HERC3: variants seen among roughly 807,000 people sequenced by gnomAD.
The protein encoded by HERC3 is HECT and RLD domain containing E3 ubiquitin protein ligase 3, also known as probable E3 ubiquitin-protein ligase HERC3.
A neutral mutation model predicts 129.9 loss-of-function variants in HERC3; 58 were observed. That is an observed-to-expected ratio of 0.45 (90% CI 0.36 to 0.56). HERC3 has a LOEUF of 0.56. HERC3 is among the 20% of genes least tolerant of loss of function. The pLI is 0.00. For missense variants in HERC3, 835 were observed against 1,244.2 expected (o/e 0.67, Z 4.95); for synonymous variants, 430 against 451.0 (o/e 0.95, Z 0.59).
intron 23 of HERC3, among the ~76,000 whole-genome samples, chr4:88,687,805 T>C (rs971009172): frequency 2.6e-5 from 4 of 152,234 alleles, no homozygotes; most frequent in African/African-American, 9.6e-5. Flanking sequence ...GCTGATTGAT[T>C]TGTCATAGAG....
At chr4:88,557,841 G>C in the HERC3 span, among the ~76,000 whole-genome samples, 1 of 151,956 alleles carries the variant, frequency 6.6e-6, no homozygotes, top group Non-Finnish European at 1.5e-5. Flanking sequence ...CAGATCACCT[G>C]AGGTCAGGAG....
chr4:88,539,477 C>A, the HERC3 span, among the ~76,000 whole-genome samples: 2 of 152,206 alleles, frequency 1.3e-5, no homozygotes, highest in Non-Finnish European at 2.9e-5. Flanking sequence ...CTATAGACTC[C>A]ACCTCTGTGG....
At chr4:88,583,089 C>T in the HERC3 span, among the ~76,000 whole-genome samples, 1 of 152,134 alleles carries the variant, frequency 6.6e-6, no homozygotes, top group Non-Finnish European at 1.5e-5. Flanking sequence ...TTCCTTACAA[C>T]ATGAAGTTTT....
intron 21 of HERC3, among the ~76,000 whole-genome samples, chr4:88,685,933 G>A (rs1733399611): frequency 6.6e-6 from 1 of 152,010 alleles, no homozygotes; most frequent in Admixed American, 6.6e-5. Flanking sequence ...GTTAACATTA[G>A]GAAGAAGGTG....
At chr4:88,697,934 C>T (rs934737964) in intron 23 of HERC3, 2 of 774,114 alleles carry the variant, frequency 2.6e-6, no homozygotes, top group Non-Finnish European at 4.1e-6. Flanking sequence ...TATCAGCTGA[C>T]GGCCGTGTGC....
chr4:88,676,206 T>G lies in HERC3; in HGVS notation c.1912-12T>G, dbSNP rs927433992. ...AATTTAAGTAAGAGACTTTTTATTT[T>G]TCTTTACACAGAAGGCTAGACCATC... On this transcript the variant is annotated splice_polypyrimidine_tract_variant and intron_variant, in intron 16 of 25. Transcript: ENST00000402738. The G allele has an allele frequency of 6.5e-7, 1 of 1,544,114 alleles. No individual in the cohort carries two copies. The highest frequency in any genetic ancestry group is 8.9e-7 in the Non-Finnish European group (1 of 1,125,252).
In HERC3 at chr4:88,613,380, G is replaced by A. The variant is rs75343358; in HGVS notation, c.226+7331G>A. Among the ~76,000 whole-genome samples the A allele has an allele frequency of 4.8e-3, 726 of 152,210 alleles. 10 individuals are homozygous for A. The highest frequency in any genetic ancestry group is 0.017 in the African/African-American group (692 of 41,514). ...AGGTAATTTAATCCAATTCACATTC[G>A]CACTTTGTATTCAGTCTAAGCATTT... On this transcript the variant is annotated intron_variant, in intron 3 of 25. Transcript: ENST00000402738.
At chr4:88,527,777 C>T in the HERC3 span, 12 of 317,832 alleles carry the variant, frequency 3.8e-5, no homozygotes, top group Middle Eastern at 8.8e-4. Context: ...ATTCTGCTGC[C>T]GGTTATCCTC....
chr4:88,550,796 T>C, the HERC3 span, among the ~76,000 whole-genome samples: 6 of 151,008 alleles, frequency 4.0e-5, no homozygotes, highest in Non-Finnish European at 7.4e-5. Flanking sequence ...TTAAAGTTCA[T>C]ATGGAACCAA....
At chr4:88,549,572 TTC>T in the HERC3 span, among the ~76,000 whole-genome samples, 1 of 152,216 alleles carries the variant, frequency 6.6e-6, no homozygotes, top group African/African-American at 2.4e-5. Flanking sequence ...GTTTTTGATT[TTC>T]TGTTTCTGCA....
At chr4:88,633,834 A>G (rs1049773132) in intron 3 of HERC3, among the ~76,000 whole-genome samples, 1 of 152,242 alleles carries the variant, frequency 6.6e-6, no homozygotes, top group Non-Finnish European at 1.5e-5. Context: ...AACATATATT[A>G]TGCAAACACT....
intron 25 of HERC3, among the ~76,000 whole-genome samples, chr4:88,705,846 C>T (rs1735732628): frequency 6.6e-6 from 1 of 152,216 alleles, no homozygotes; most frequent in African/African-American, 2.4e-5. Flanking sequence ...CTGCTGCTCA[C>T]ATGGGAGCAA....
chr4:88,680,540 A>T (rs1321022824), intron 20 of HERC3, among the ~76,000 whole-genome samples: 1 of 152,238 alleles, frequency 6.6e-6, no homozygotes, highest in Non-Finnish European at 1.5e-5. Flanking sequence ...GAAGGTCAAT[A>T]ATCAAATATG....
At chr4:88,551,015 A>AG in the HERC3 span, among the ~76,000 whole-genome samples, 1 of 148,430 alleles carries the variant, frequency 6.7e-6, no homozygotes, top group African/African-American at 2.5e-5. Context: ...GACAAACCTG[A>AG]GAAAAACAAG....
At chr4:88,630,632 T>A (rs910913452) in intron 3 of HERC3, among the ~76,000 whole-genome samples, 1 of 152,216 alleles carries the variant, frequency 6.6e-6, no homozygotes, top group Non-Finnish European at 1.5e-5. Flanking sequence ...TTGAAGGGAC[T>A]ATTAGTATTT....
chr4:88,539,408 A>AGTAG, the HERC3 span, among the ~76,000 whole-genome samples: 1 of 152,216 alleles, frequency 6.6e-6, no homozygotes, highest in Non-Finnish European at 1.5e-5. Flanking sequence ...AGGTAAACAA[A>AGTAG]GCAGCCAGGA....
intron 3 of HERC3, among the ~76,000 whole-genome samples, chr4:88,616,808 C>T (rs1386507481): frequency 6.6e-6 from 1 of 152,070 alleles, no homozygotes; most frequent in Non-Finnish European, 1.5e-5. Context: ...AGAGGTATTT[C>T]TAGGATAGGC....
intron 10 of HERC3, 73 bp from the exon 11 acceptor site, chr4:88,662,358 G>A: frequency 7.0e-7 from 1 of 1,419,280 alleles, no homozygotes; most frequent in Non-Finnish European, 9.7e-7. Context: ...TGGAGAATAT[G>A]TGGGAGAAAG....
chr4:88,557,817 G>A, the HERC3 span, among the ~76,000 whole-genome samples: 13 of 152,232 alleles, frequency 8.5e-5, no homozygotes, highest in African/African-American at 3.1e-4. Context: ...AGCACTTTGG[G>A]AGGCTGAGGC....
Sources: gnomAD v4.1 joint callset for allele counts (sites outside exome capture counted in the v4.1 genomes callset) on GRCh38, gnomAD v4.1.1 for gene constraint, MANE v1.5 for transcripts, NCBI Gene and HGNC (gene_info 2026-07-23, HGNC 2026-07-21) for gene names.